The following NRG1 variants were observed in gnomAD, a reference collection of about 807,000 sequenced individuals.
NRG1 encodes the protein pro-neuregulin-1, membrane-bound isoform.
Under a neutral mutation model 63.8 loss-of-function variants are expected in NRG1, and 18 were observed. The observed-to-expected ratio is 0.28, with a 90% CI of 0.19 to 0.42. NRG1 has a LOEUF of 0.42. NRG1 is among the 10% of genes least tolerant of loss of function. NRG1 has a pLI of 1.00. For missense variants in NRG1, 762 were observed against 814.7 expected (o/e 0.94, Z 0.79); for synonymous variants, 302 against 301.3 (o/e 1.00, Z -0.02).
At chr8:32,594,955 G>T (rs1021518614) in intron 1 of NRG1, among the ~76,000 whole-genome samples, 4 of 152,076 alleles carry the variant, frequency 2.6e-5, no homozygotes, top group Admixed American at 2.6e-4. Flanking sequence ...TGTGTTCTTT[G>T]GTCCCCTCTG....
At chr8:31,917,773 T>A (rs1256171913) in intron 1 of NRG1, among the ~76,000 whole-genome samples, 1 of 152,164 alleles carries the variant, frequency 6.6e-6, no homozygotes, top group East Asian at 1.9e-4. Context: ...GGGGATGGCA[T>A]TGAATCTATA....
intron 1 of NRG1, among the ~76,000 whole-genome samples, chr8:32,374,024 A>G (rs1809292642): frequency 6.6e-6 from 1 of 152,204 alleles, no homozygotes; most frequent in Admixed American, 6.5e-5. Flanking sequence ...TGTTATTGTT[A>G]CTATAATATG....
At chr8:31,915,027 T>A (rs1390304306) in intron 1 of NRG1, among the ~76,000 whole-genome samples, 1 of 151,378 alleles carries the variant, frequency 6.6e-6, no homozygotes, top group African/African-American at 2.4e-5. Context: ...TTTGGGACAT[T>A]TTTTGTAATT....
chr8:31,759,533 A>T (rs911615877), intron 1 of NRG1, among the ~76,000 whole-genome samples: 1 of 152,124 alleles, frequency 6.6e-6, no homozygotes, highest in East Asian at 1.9e-4. Context: ...TACAAAAGCC[A>T]TAAGTCACTT....
rs142845084 is a variant in NRG1, at chr8:32,091,221, T to A, written c.37+451790T>A. On this transcript the variant is annotated intron_variant, in intron 1 of 10. Transcript: ENST00000519301. Reference sequence around the variant, plus strand: ...TGAACCCGGGAGGCAGAGCTTGCAGTGAGCTGAGATCACGCCACTGCACTC... The same window carrying A: ...TGAACCCGGGAGGCAGAGCTTGCAGAGAGCTGAGATCACGCCACTGCACTC... 2.8e-4 allele frequency among the ~76,000 whole-genome samples: 41 copies of A among 148,066 alleles called. No individual in the cohort carries two copies. The East Asian group carries it at 8.1e-3, about 29-fold the overall frequency.
Position 31,684,596 on chromosome 8 carries a change from G to A in NRG1, c.37+45165G>A, listed in dbSNP as rs548083283. Among the ~76,000 whole-genome samples the A allele has an allele frequency of 4.8e-4, 73 of 152,246 alleles. 2 individuals are homozygous for A. The South Asian group carries it at 0.015, about 31-fold the overall frequency. ...TTATTTTAGCACAAGGCTTCCAGGT[G>A]ATTCTGATGTGCATAGACTTTTGAG... On this transcript the variant is annotated intron_variant, in intron 1 of 10. Coordinates refer to the NRG1 transcript ENST00000519301.
rs1390681665 is a variant in NRG1, at chr8:32,711,245, T to C, written c.503-16704T>C. ...TCAGTTTTTTTTTTTTTTTTCCAAC[T>C]GTGAGAAAGAGAAAGTGTCACCTAT... On this transcript the variant is annotated intron_variant, in intron 5 of 11. Transcript: ENST00000356819. 2.0e-5 allele frequency among the ~76,000 whole-genome samples: 3 copies of C among 151,334 alleles called. No individual in the cohort carries two copies. In the East Asian group the frequency reaches 5.8e-4, roughly 29 times the overall value.
chr8:31,767,061 C>G (rs1368333539), intron 1 of NRG1, among the ~76,000 whole-genome samples: 1 of 152,132 alleles, frequency 6.6e-6, no homozygotes, highest in Non-Finnish European at 1.5e-5. Context: ...AGGGAGAAAG[C>G]AGCAGGTCAT....
At chr8:32,018,046 T>C (rs1021164072) in intron 1 of NRG1, among the ~76,000 whole-genome samples, 2 of 152,232 alleles carry the variant, frequency 1.3e-5, no homozygotes, top group Non-Finnish European at 2.9e-5. Context: ...CATTAGAATA[T>C]GAAAATATAT....
rs147991889 is a variant in NRG1, at chr8:32,421,556, G to A, written c.38-174272G>A. On this transcript the variant is annotated intron_variant, in intron 1 of 10. Coordinates refer to the NRG1 transcript ENST00000519301. ...AGCAGGGCTATTACCGTTCCAAGAC[G>A]ATTTTATACAAGTGAAGCTTAAGTT... Among the ~76,000 whole-genome samples, 120 of 152,244 alleles carry A rather than the reference G, an allele frequency of 7.9e-4. 1 individual carries two copies. The East Asian group carries it at 0.016, about 20-fold the overall frequency.
At chr8:32,241,487 A>G (rs1235319630) in intron 1 of NRG1, among the ~76,000 whole-genome samples, 1 of 152,166 alleles carries the variant, frequency 6.6e-6, no homozygotes, top group East Asian at 1.9e-4. Flanking sequence ...ACATTTGTAG[A>G]AAGTATTATC....
chr8:32,523,207 T>G (rs1389430859), intron 1 of NRG1, among the ~76,000 whole-genome samples: 1 of 152,178 alleles, frequency 6.6e-6, no homozygotes. Flanking sequence ...CCTTTCCAAC[T>G]ACTCATCTAT....
intron 1 of NRG1, among the ~76,000 whole-genome samples, chr8:31,932,460 C>G (rs1834948174): frequency 6.6e-6 from 1 of 152,076 alleles, no homozygotes; most frequent in African/African-American, 2.4e-5. Context: ...TGTGCTTTTC[C>G]TTTGAGATCA....
intron 1 of NRG1, among the ~76,000 whole-genome samples, chr8:32,315,225 G>A (rs1246570482): frequency 6.6e-6 from 1 of 152,048 alleles, no homozygotes; most frequent in Non-Finnish European, 1.5e-5. Context: ...GTTTGTCATA[G>A]TGCTCTCCCT....
Position 32,237,015 on chromosome 8 carries a change from C to CA in NRG1, c.38-358806dup, listed in dbSNP as rs1009465468. ...AATGATAAAACTTCAATAACAAAAA[C>CA]AAAAAAACAAAACAAGCCACACTAT... is the stretch of plus-strand genomic sequence containing the variant. On this transcript the variant is annotated intron_variant, in intron 1 of 10. Coordinates refer to the NRG1 transcript ENST00000519301. 1.8e-4 allele frequency among the ~76,000 whole-genome samples: 28 copies of CA among 152,106 alleles called. No homozygotes were observed. In the South Asian group the frequency reaches 3.3e-3, roughly 18 times the overall value.
rs1833710604 is a variant in NRG1, at chr8:32,123,363, A to T, written c.38-472465A>T. ...GAGATCTGATGATTTTATAAAGGGG[A>T]GTTCCCCTACACAAGTTCTCTCTTG... On this transcript the variant is annotated intron_variant, in intron 1 of 10. Coordinates refer to the NRG1 transcript ENST00000519301. Among the ~76,000 whole-genome samples the T allele has an allele frequency of 2.0e-5, 3 of 151,854 alleles. No homozygotes were observed. In the South Asian group the frequency reaches 6.2e-4, roughly 32 times the overall value.
At chr8:31,979,598 G>A (rs1238713660) in intron 1 of NRG1, among the ~76,000 whole-genome samples, 1 of 151,924 alleles carries the variant, frequency 6.6e-6, no homozygotes, top group Non-Finnish European at 1.5e-5. Flanking sequence ...ATCATTTACT[G>A]TGTTTTCTGG....
chr8:32,184,148 A>G (rs1841730738), intron 1 of NRG1, among the ~76,000 whole-genome samples: 1 of 152,118 alleles, frequency 6.6e-6, no homozygotes, highest in South Asian at 2.1e-4. Flanking sequence ...ATAGATATAT[A>G]GAGAGAGTAC....
chr8:32,295,238 T>G (rs1854699118), intron 1 of NRG1, among the ~76,000 whole-genome samples: 1 of 152,166 alleles, frequency 6.6e-6, no homozygotes, highest in Admixed American at 6.5e-5. Context: ...GATTTCTTTT[T>G]CTAAAAAAAT....
Sources: gnomAD v4.1 joint callset for allele counts (sites outside exome capture counted in the v4.1 genomes callset) on GRCh38, gnomAD v4.1.1 for gene constraint, MANE v1.5 for transcripts, NCBI Gene and HGNC (gene_info 2026-07-23, HGNC 2026-07-21) for gene names.